The following OPHN1 variants were observed in gnomAD, a reference collection of about 807,000 sequenced individuals.
The protein encoded by OPHN1 is oligophrenin 1.
Under a neutral mutation model 60.7 loss-of-function variants are expected in OPHN1, and 11 were observed. That is an observed-to-expected ratio of 0.18 (90% CI 0.11 to 0.30). OPHN1 has a LOEUF of 0.30. Among genes scored for constraint, OPHN1 ranks in the 10% least tolerant of loss-of-function variants. The probability of loss-of-function intolerance (pLI) is 1.00; values close to 1 mark genes in which losing one functional copy is unlikely to be tolerated. For synonymous variants in OPHN1, 226 were observed against 222.6 expected (o/e 1.02, Z -0.14); for missense variants, 449 against 611.0 (o/e 0.73, Z 2.80).
At chrX:68,160,757 T>C (rs936406387) in intron 15 of OPHN1, among the ~76,000 whole-genome samples, 1 of 111,231 alleles carries the variant, frequency 9.0e-6, no homozygotes, top group African/African-American at 3.3e-5. Flanking sequence ...ACTTCTGTGA[T>C]ACAGGTAAAA....
chrX:68,227,692 T>C (rs183700924), intron 6 of OPHN1, among the ~76,000 whole-genome samples: 103 of 111,489 alleles, frequency 9.2e-4, no homozygotes, highest in African/African-American at 2.9e-3. Context: ...AAAATAAAGA[T>C]GTTCTTTGAA....
At chrX:68,363,176 G>T (rs1034358221) in intron 2 of OPHN1, among the ~76,000 whole-genome samples, 1 of 110,213 alleles carries the variant, frequency 9.1e-6, no homozygotes, top group African/African-American at 3.3e-5. Context: ...TGAACTGAGA[G>T]GCAGAGGTTA....
intron 2 of OPHN1, among the ~76,000 whole-genome samples, chrX:68,347,751 G>C (rs1450572404): frequency 8.9e-6 from 1 of 111,994 alleles, no homozygotes; most frequent in African/African-American, 3.2e-5. Context: ...TCCTAGCTCT[G>C]CTAAGAAGCT....
At chrX:68,408,203 G>A (rs974218809) in intron 2 of OPHN1, among the ~76,000 whole-genome samples, 2 of 112,549 alleles carry the variant, frequency 1.8e-5, no homozygotes, top group Non-Finnish European at 3.7e-5. Flanking sequence ...GCTCAGGTAT[G>A]TAGGACTATT....
chrX:68,366,530 C>G (rs902921860), intron 2 of OPHN1, among the ~76,000 whole-genome samples: 3 of 110,094 alleles, frequency 2.7e-5, no homozygotes, highest in Admixed American at 2.0e-4. Context: ...TGTGTGTGCC[C>G]GTGTGTAGAG....
chrX:68,180,719 T>C (rs1027590743), intron 15 of OPHN1, among the ~76,000 whole-genome samples: 5 of 111,881 alleles, frequency 4.5e-5, no homozygotes, highest in African/African-American at 1.6e-4. Flanking sequence ...CCCACATTAA[T>C]ATGACGTTTC....
intron 2 of OPHN1, among the ~76,000 whole-genome samples, chrX:68,308,654 T>G (rs980021430): frequency 8.9e-6 from 1 of 112,058 alleles, no homozygotes; most frequent in Non-Finnish European, 1.9e-5. Flanking sequence ...ACTTTCTAAA[T>G]GTAGTTATTT....
rs748434194 is a variant in OPHN1 at position 68,225,535 on chromosome X, G to A, written c.486+8952C>T. Among the ~76,000 whole-genome samples, 493 of 111,789 alleles carry A rather than the reference G, an allele frequency of 4.4e-3. 1 individual carries two copies. Among genetic ancestry groups the A allele is most frequent in the South Asian group, 0.017 (45 of 2,660 alleles). ...CTCTGAGATGAAGCTTCCAGAGGAC[G>A]GATCGGGCAGCAACATTTGCCATTC... On this transcript the variant is annotated intron_variant, in intron 6 of 24. Coordinates refer to ENST00000355520, the MANE Select transcript of OPHN1 (RefSeq NM_002547.3).
intron 15 of OPHN1, among the ~76,000 whole-genome samples, chrX:68,171,294 A>T (rs1196645506): frequency 9.0e-6 from 1 of 111,678 alleles, no homozygotes; most frequent in African/African-American, 3.2e-5. Context: ...AAAATTTAAA[A>T]AAATGAAAAC....
intron 3 of OPHN1, among the ~76,000 whole-genome samples, chrX:68,290,822 C>T (rs1319848403): frequency 9.1e-6 from 1 of 109,704 alleles, no homozygotes; most frequent in Non-Finnish European, 1.9e-5. Flanking sequence ...CTATGTGATC[C>T]TGGGCAAGTT....
intron 3 of OPHN1, among the ~76,000 whole-genome samples, chrX:68,287,381 T>G (rs966828621): frequency 9.7e-6 from 1 of 103,193 alleles, no homozygotes; most frequent in Non-Finnish European, 2.0e-5. Flanking sequence ...CAGTGACTCA[T>G]GCCTTTAATC....
intron 15 of OPHN1, among the ~76,000 whole-genome samples, chrX:68,173,906 T>G (rs2077402320): frequency 9.0e-6 from 1 of 111,570 alleles, no homozygotes; most frequent in Non-Finnish European, 1.9e-5. Flanking sequence ...AACTAATCTA[T>G]CCTGTTAAAA....
chrX:68,062,935 T>C (rs1289023970), intron 21 of OPHN1, among the ~76,000 whole-genome samples: 3 of 111,938 alleles, frequency 2.7e-5, no homozygotes, highest in African/African-American at 9.7e-5. Context: ...TTTGCAATAA[T>C]TTCAAAAATC....
At chrX:68,140,684 A>AT (rs2077238767) in intron 15 of OPHN1, among the ~76,000 whole-genome samples, 1 of 108,433 alleles carries the variant, frequency 9.2e-6, no homozygotes, top group African/African-American at 3.4e-5. Flanking sequence ...AGCTGACCCC[A>AT]TTTTTCCACC....
At chrX:68,302,146 GTGTT>G (rs896892112) in intron 2 of OPHN1, among the ~76,000 whole-genome samples, 1 of 112,062 alleles carries the variant, frequency 8.9e-6, no homozygotes, top group Non-Finnish European at 1.9e-5. Context: ...ATGGACATCA[GTGTT>G]TGTTTCAGTT....
chrX:68,369,706 T>A (rs1845438467), intron 2 of OPHN1, among the ~76,000 whole-genome samples: 1 of 109,565 alleles, frequency 9.1e-6, no homozygotes, highest in Non-Finnish European at 1.9e-5. Context: ...TTACATACTG[T>A]GAGACTGCCA....
intron 6 of OPHN1, among the ~76,000 whole-genome samples, chrX:68,220,331 C>T (rs1350554246): frequency 2.7e-5 from 3 of 109,900 alleles, no homozygotes; most frequent in South Asian, 4.0e-4. Context: ...GATGGATTCA[C>T]AGCCGAATTC....
At chrX:68,170,648 G>A (rs1000924230) in intron 15 of OPHN1, among the ~76,000 whole-genome samples, 2 of 109,046 alleles carry the variant, frequency 1.8e-5, no homozygotes, top group African/African-American at 6.7e-5. Flanking sequence ...GTATGAAATT[G>A]GAAATCATCA....
chrX:68,173,316 G>C, intron 15 of OPHN1, among the ~76,000 whole-genome samples: 1 of 111,158 alleles, frequency 9.0e-6, no homozygotes, highest in Middle Eastern at 4.7e-3. Flanking sequence ...TTGTTGTGCT[G>C]TCTCCTCTGT....
Sources: allele counts gnomAD v4.1 joint callset (sites outside exome capture counted in the v4.1 genomes callset), GRCh38; gene constraint gnomAD v4.1.1; transcripts MANE v1.5; gene names NCBI Gene and HGNC (gene_info 2026-07-23, HGNC 2026-07-21).